Variants in CCR6 observed in about 807,000 individuals in gnomAD.
CCR6 encodes C-C chemokine receptor type 6.
In CCR6, 2 loss-of-function variants were observed where a neutral mutation model predicts 3.0. That is an observed-to-expected ratio of 0.66 (90% CI 0.27 to 2.07). The LOEUF (loss-of-function observed/expected upper bound fraction) is 2.07. Among genes scored for constraint, CCR6 ranks in the 30% most tolerant of loss-of-function variants. The probability of loss-of-function intolerance (pLI) is 0.14; values close to 1 mark genes in which losing one functional copy is unlikely to be tolerated. For missense variants in CCR6, 322 were observed against 462.8 expected (o/e 0.70, Z 2.79); for synonymous variants, 193 against 184.3 (o/e 1.05, Z -0.38).
intron 1 of CCR6, among the ~76,000 whole-genome samples, chr6:167,114,656 T>TA (rs1396151586): frequency 1.3e-5 from 2 of 152,216 alleles, no homozygotes; most frequent in African/African-American, 4.8e-5. Flanking sequence ...ACGGCTGCTG[T>TA]AACCAGCCTG....
At chr6:167,114,446 T>C (rs1442679976) in intron 1 of CCR6, among the ~76,000 whole-genome samples, 1 of 152,166 alleles carries the variant, frequency 6.6e-6, no homozygotes, top group Non-Finnish European at 1.5e-5. Context: ...GAACCTACAT[T>C]TGAACCCCAA....
intron 1 of CCR6, chr6:167,131,554 C>T (rs1039665416): frequency 1.3e-5 from 2 of 152,918 alleles, no homozygotes; most frequent in African/African-American, 2.4e-5. Flanking sequence ...CTGCAGCGAC[C>T]GCTCCCCACA....
intron 1 of CCR6, chr6:167,127,263 A>C (rs994911302): frequency 6.6e-6 from 1 of 151,930 alleles, no homozygotes; most frequent in Non-Finnish European, 1.5e-5. Flanking sequence ...AAATTTCCCA[A>C]AGTGTTTCCA....
intron 1 of CCR6, among the ~76,000 whole-genome samples, chr6:167,135,363 T>G (rs748063084): frequency 3.3e-5 from 5 of 152,230 alleles, no homozygotes; most frequent in Non-Finnish European, 7.3e-5. Context: ...GATTCATGCT[T>G]GTGACCTGGA....
chr6:167,112,067 C>T (rs1338694278), intron 1 of CCR6: 1 of 151,730 alleles, frequency 6.6e-6, no homozygotes, highest in African/African-American at 2.4e-5. Context: ...TCTTTTGTCT[C>T]AATAATTGTT....
At chr6:167,133,964 A>ATATATATATATATATATATATG (rs1188778668) in intron 1 of CCR6, among the ~76,000 whole-genome samples, 1 of 111,830 alleles carries the variant, frequency 8.9e-6, no homozygotes, top group Admixed American at 9.5e-5. Context: ...ATATATATAT[A>ATATATATATATATATATATATG]TATATAGTTT....
upstream of CCR6, among the ~76,000 whole-genome samples, chr6:167,122,437 G>A (rs980289821): frequency 1.1e-4 from 16 of 152,220 alleles, no homozygotes; most frequent in African/African-American, 3.9e-4. This position sits in a 1 kb window ranked among gnomAD's most constrained non-coding sequence, Gnocchi z 4.2. Flanking sequence ...GTCACCCAGA[G>A]ATTCTGTCTC....
In CCR6 at chr6:167,138,532, A is replaced by T. The variant is rs1166040882; in HGVS notation, c.*1177A>T. On this transcript the variant is annotated 3_prime_UTR_variant, in exon 3 of 3. Coordinates refer to ENST00000341935, the MANE Select transcript of CCR6 (RefSeq NM_031409.4). ...CAGATTTTAACAGCTCTCTTCAATG[A>T]CATAGAAAGTTCATGGAACTCATGT... 1 of 152,376 alleles carries T rather than the reference A, an allele frequency of 6.6e-6. No homozygotes were observed. The allele number at this position is 152,376 out of a possible 1,614,324, so 9.4% of individuals were successfully genotyped here. A position where few individuals can be genotyped will look rare whatever the true frequency, so the allele number is the denominator to read the frequency against.
chr6:167,117,881 C>T (rs1484474601), upstream of CCR6, among the ~76,000 whole-genome samples: 5 of 151,630 alleles, frequency 3.3e-5, no homozygotes, highest in East Asian at 1.9e-4. Flanking sequence ...AGTGATGAAA[C>T]GCGCAGGTCG....
intron 1 of CCR6, among the ~76,000 whole-genome samples, chr6:167,130,947 C>G: frequency 1.3e-5 from 2 of 149,914 alleles, no homozygotes. Context: ...CTGGGCCCCC[C>G]TCCCTCCGGG....
intron 1 of CCR6, among the ~76,000 whole-genome samples, chr6:167,124,107 C>T (rs1302912184): frequency 6.6e-6 from 1 of 152,126 alleles, no homozygotes; most frequent in East Asian, 1.9e-4. Flanking sequence ...CCAAAGTCCA[C>T]TTAGCAGCAG....
At chr6:167,135,912 ATTTGTATGT>A in intron 1 of CCR6, 117 bp from the exon 2 acceptor site, 1 of 531,794 alleles carries the variant, frequency 1.9e-6, no homozygotes, top group Non-Finnish European at 3.3e-6. Context: ...CTCAATGAAT[ATTTGTATGT>A]AAAATAGTGT....
chr6:167,120,917 A>C (rs963383932), upstream of CCR6: 10 of 152,396 alleles, frequency 6.6e-5, no homozygotes, highest in African/African-American at 2.4e-4. Flanking sequence ...TCAGGGTGAC[A>C]TATAATTTAG....
intron 1 of CCR6, among the ~76,000 whole-genome samples, chr6:167,114,066 C>T (rs1053049177): frequency 1.3e-5 from 2 of 152,230 alleles, no homozygotes; most frequent in African/African-American, 4.8e-5. Context: ...CGGCTCTGGG[C>T]TCTGACAACC....
chr6:167,112,733 A>C (rs1455379884), intron 1 of CCR6, among the ~76,000 whole-genome samples: 1 of 152,030 alleles, frequency 6.6e-6, no homozygotes, highest in African/African-American at 2.4e-5. Context: ...AGGAGGGAGG[A>C]AAGAGCCACA....
intron 1 of CCR6, among the ~76,000 whole-genome samples, chr6:167,134,174 T>C (rs1781815362): frequency 6.6e-6 from 1 of 152,044 alleles, no homozygotes; most frequent in Non-Finnish European, 1.5e-5. Context: ...TTACATTTTG[T>C]AGGTTTTTCT....
rs182173696 is a variant in CCR6, at chr6:167,138,237, C to T, written c.*882C>T. The T allele has an allele frequency of 6.6e-5, 10 of 151,750 alleles. No individual in the cohort carries two copies. Among genetic ancestry groups the T allele is most frequent in the Admixed American group, 4.6e-4 (7 of 15,264 alleles). The allele number at this position is 151,750 out of a possible 1,614,324, so 9.4% of individuals were successfully genotyped here. A position where few individuals can be genotyped will look rare whatever the true frequency, so the allele number is the denominator to read the frequency against. On this transcript the variant is annotated 3_prime_UTR_variant, in exon 3 of 3. Coordinates refer to ENST00000341935, the MANE Select transcript of CCR6 (RefSeq NM_031409.4). ...CTCAAGAGAGATTTGATTAATGAAT[C>T]GTAATGAAGTTGGGGTTTATTGTAC...
At chr6:167,130,989 AC>A (rs1554282145) in intron 1 of CCR6, among the ~76,000 whole-genome samples, 1 of 121,244 alleles carries the variant, frequency 8.2e-6, no homozygotes. Context: ...CTCCCTCTGG[AC>A]CCCCTCCCTT....
intron 1 of CCR6, among the ~76,000 whole-genome samples, chr6:167,125,982 G>C (rs41434748): frequency 0.04 from 6,065 of 152,270 alleles, 190 homozygotes; most frequent in South Asian, 0.087. Flanking sequence ...CAGAGGCTAA[G>C]TTATTACTTA....
Sources: allele counts gnomAD v4.1 joint callset (sites outside exome capture counted in the v4.1 genomes callset), GRCh38; gene constraint gnomAD v4.1.1; non-coding constraint Gnocchi (gnomAD v3.1); transcripts MANE v1.5; gene names NCBI Gene and HGNC (gene_info 2026-07-23, HGNC 2026-07-21).